The following SLIT1 variants were observed in gnomAD, a reference collection of about 807,000 sequenced individuals.
SLIT1 encodes slit guidance ligand 1, also known as slit homolog 1 protein.
In SLIT1, 66 loss-of-function variants were observed where a neutral mutation model predicts 186.1. The ratio of observed to expected loss-of-function variants is 0.35; its 90% CI spans 0.29 to 0.44. The LOEUF is 0.44. Among genes scored for constraint, SLIT1 ranks in the 20% least tolerant of loss-of-function variants. The pLI is 1.00. For missense variants in SLIT1, 1,638 were observed against 2,037.4 expected (o/e 0.80, Z 3.77); for synonymous variants, 761 against 833.8 (o/e 0.91, Z 1.50).
Position 97,043,471 on chromosome 10 carries a change from G to C in SLIT1, c.1896C>G (p.Ser632Arg), listed in dbSNP as rs143659636. 6.2e-7 allele frequency: 1 copy of C among 1,613,948 alleles called. No homozygotes were observed. Among genetic ancestry groups the C allele is most frequent in the Non-Finnish European group, 8.5e-7 (1 of 1,180,010 alleles). The change falls in exon 19 of 37, where the codon AGC (serine) becomes AGG (arginine). Residue 632 changes from serine (S) to arginine (R), a missense_variant. Ser to Arg is a moderately radical substitution (Grantham distance 110, BLOSUM62 -1). Coordinates refer to ENST00000266058, the MANE Select transcript of SLIT1 (RefSeq NM_003061.3). The surrounding 1 kb of genome is among the most constrained non-coding windows in gnomAD (Gnocchi z 7.0). ...NNRISCIHND[S>R]FTGLRNVRLL... ...GCCGGACGTTGCGCAGGCCCGTGAA[G>C]CTGTCGTTGTGGATGCAGCTGATGC... is the stretch of plus-strand genomic sequence containing the variant.
rs1025298387 is a variant in SLIT1 at position 97,068,498 on chromosome 10, T to TG, written c.414-2413dup. ...CAGGCACCCGTGTCTGAAGGGGCCT[T>TG]GGCACCATCAGTGCCCCTCGTTCTT... On this transcript the variant is annotated intron_variant, in intron 4 of 36. Transcript: ENST00000266058. The surrounding 1 kb of genome is among the most constrained non-coding windows in gnomAD (Gnocchi z 4.2). Among the ~76,000 whole-genome samples, 2 of 152,106 alleles carry TG rather than the reference T, an allele frequency of 1.3e-5. No homozygotes were observed. The highest frequency in any genetic ancestry group is 2.4e-5 in the African/African-American group (1 of 41,416).
chr10:97,114,975 C>T (rs1277205387), intron 4 of SLIT1, among the ~76,000 whole-genome samples: 3 of 152,320 alleles, frequency 2.0e-5, no homozygotes, highest in South Asian at 2.1e-4. Flanking sequence ...GCTGTTGTGA[C>T]GATTCCTGCC....
intron 4 of SLIT1, among the ~76,000 whole-genome samples, chr10:97,067,531 C>A (rs950129481): frequency 1.3e-5 from 2 of 152,248 alleles, no homozygotes; most frequent in Non-Finnish European, 2.9e-5. Context: ...TAAGCAACTT[C>A]TTCAAGGTAA....
rs1848915398 is a variant in SLIT1, at chr10:97,063,635, T to C, written c.630-17A>G. ...TGCAGGCGGCTGCAAGAGGACAGGA[T>C]GGCTCACAACCCATCTGGATCCCCC... is the stretch of plus-strand genomic sequence containing the variant. On this transcript the variant is annotated splice_polypyrimidine_tract_variant and intron_variant, in intron 7 of 36. Coordinates refer to ENST00000266058, the MANE Select transcript of SLIT1 (RefSeq NM_003061.3). 4 of 1,584,300 alleles carry C rather than the reference T, an allele frequency of 2.5e-6. No individual in the cohort carries two copies. Among genetic ancestry groups the C allele is most frequent in the Non-Finnish European group, 3.4e-6 (4 of 1,165,208 alleles).
intron 4 of SLIT1, among the ~76,000 whole-genome samples, chr10:97,067,081 G>T (rs1269255719): frequency 6.6e-6 from 1 of 152,170 alleles, no homozygotes; most frequent in Non-Finnish European, 1.5e-5. Context: ...TCCAGGCAGG[G>T]CCTGACTCCA....
chr10:97,097,261 G>A (rs1293284117), intron 4 of SLIT1, among the ~76,000 whole-genome samples: 1 of 152,232 alleles, frequency 6.6e-6, no homozygotes, highest in Non-Finnish European at 1.5e-5. Flanking sequence ...ATGCTTTGCT[G>A]TCTCAGGAGA....
At position 97,132,217 on chromosome 10, in the gene SLIT1, G is replaced by T. The variant is rs541442743; in HGVS notation, c.413+25601C>A. Among the ~76,000 whole-genome samples the T allele has an allele frequency of 1.8e-4, 28 of 152,152 alleles. No homozygotes were observed. In the South Asian group the frequency reaches 5.0e-3, roughly 27 times the overall value. Reference sequence around the variant, plus strand: ...TCTGCCAGCCACAGCCTCCTCCTTTGTCTTCCCAGACCCTGGCCCCTGCAG... The same window carrying T: ...TCTGCCAGCCACAGCCTCCTCCTTTTTCTTCCCAGACCCTGGCCCCTGCAG... On this transcript the variant is annotated intron_variant, in intron 4 of 36. Transcript: ENST00000266058.
chr10:97,067,691 T>A (rs1848961181), intron 4 of SLIT1, among the ~76,000 whole-genome samples: 1 of 152,246 alleles, frequency 6.6e-6, no homozygotes, highest in Non-Finnish European at 1.5e-5. Context: ...GTAACTGACC[T>A]GGTTGGACCC....
intron 4 of SLIT1, among the ~76,000 whole-genome samples, chr10:97,076,995 G>T (rs1328335958): frequency 1.3e-5 from 2 of 152,150 alleles, no homozygotes; most frequent in African/African-American, 4.8e-5. Context: ...ACCGGGGGCC[G>T]TGGCTCACAC....
At position 97,021,934 on chromosome 10, in the gene SLIT1, T is replaced by A. The variant is rs1159956371; in HGVS notation, c.2583-521A>T. On this transcript the variant is annotated intron_variant, in intron 25 of 36. Transcript: ENST00000266058. The surrounding 1 kb of genome is among the most constrained non-coding windows in gnomAD (Gnocchi z 4.5). ...TCACCACACGCTACTATTCTCATTT[T>A]ACATGTGCAGAAACCGAGGCTCAAA... 6.6e-6 allele frequency among the ~76,000 whole-genome samples: 1 copy of A among 152,214 alleles called. No individual in the cohort carries two copies. Among genetic ancestry groups the A allele is most frequent in the African/African-American group, 2.4e-5 (1 of 41,462 alleles).
intron 4 of SLIT1, among the ~76,000 whole-genome samples, chr10:97,113,384 G>A (rs763188424): frequency 6.0e-5 from 9 of 150,378 alleles, no homozygotes; most frequent in Admixed American, 1.3e-4. Context: ...GATTACAGGC[G>A]TGTACCACCA....
intron 1 of SLIT1, among the ~76,000 whole-genome samples, chr10:97,170,977 C>A (rs1460204089): frequency 6.6e-6 from 1 of 152,106 alleles, no homozygotes; most frequent in East Asian, 1.9e-4. Flanking sequence ...CACTCCTGTT[C>A]CCTCAGGGAC....
chr10:97,025,211 G>A (rs1448729531), intron 25 of SLIT1, among the ~76,000 whole-genome samples: 1 of 152,150 alleles, frequency 6.6e-6, no homozygotes, highest in African/African-American at 2.4e-5. Flanking sequence ...GGAGGCAGAG[G>A]TTGCAGTGAG....
At chr10:97,033,253 G>A (rs1848608025) in intron 23 of SLIT1, among the ~76,000 whole-genome samples, 1 of 152,066 alleles carries the variant, frequency 6.6e-6, no homozygotes, top group Non-Finnish European at 1.5e-5. Flanking sequence ...CCCACATTCA[G>A]CTCCTGGAGA....
At chr10:97,171,307 C>A (rs547287945) in intron 1 of SLIT1, among the ~76,000 whole-genome samples, 5 of 152,178 alleles carry the variant, frequency 3.3e-5, no homozygotes, top group African/African-American at 1.2e-4. Context: ...GTGCATTTGC[C>A]CCATCCCACC....
chr10:97,161,261 C>G (rs916592031), intron 3 of SLIT1, among the ~76,000 whole-genome samples: 1 of 152,170 alleles, frequency 6.6e-6, no homozygotes, highest in African/African-American at 2.4e-5. Flanking sequence ...TTCAAATCAG[C>G]CCCTCATAGC....
At chr10:97,127,002 T>C (rs1313041116) in intron 4 of SLIT1, among the ~76,000 whole-genome samples, 1 of 151,928 alleles carries the variant, frequency 6.6e-6, no homozygotes, top group African/African-American at 2.4e-5. Context: ...GCTTTAAAGG[T>C]TTTGAAGGCT....
At chr10:97,072,504 A>G (rs1399418130) in intron 4 of SLIT1, among the ~76,000 whole-genome samples, 1 of 151,152 alleles carries the variant, frequency 6.6e-6, no homozygotes, top group Non-Finnish European at 1.5e-5. Flanking sequence ...CCAAAGCTTA[A>G]AGAGGAAAGA....
intron 4 of SLIT1, among the ~76,000 whole-genome samples, chr10:97,137,682 C>T (rs1189604632): frequency 6.6e-6 from 1 of 152,046 alleles, no homozygotes; most frequent in East Asian, 1.9e-4. Flanking sequence ...CCTGCCCAGG[C>T]TCAAGTGATC....
Sources: gnomAD v4.1 joint callset for allele counts (sites outside exome capture counted in the v4.1 genomes callset) on GRCh38, gnomAD v4.1.1 for gene constraint, Gnocchi (gnomAD v3.1) non-coding constraint, MANE v1.5 for transcripts, NCBI Gene and HGNC (gene_info 2026-07-23, HGNC 2026-07-21) for gene names.